Variants in CELF2 observed in about 807,000 individuals in gnomAD.
CELF2 encodes the protein CUG triplet repeat RNA-binding protein 2.
Under a neutral mutation model 62.6 loss-of-function variants are expected in CELF2, and 8 were observed. The ratio of observed to expected loss-of-function variants is 0.13; its 90% CI spans 0.07 to 0.23. The LOEUF is 0.23. CELF2 is among the 10% of genes least tolerant of loss of function. The pLI is 1.00. For missense variants in CELF2, 333 were observed against 671.0 expected, an observed-to-expected ratio of 0.50 and a Z score of 5.56; for synonymous variants, 258 against 250.0, an observed-to-expected ratio of 1.03 and a Z score of -0.30.
intron 1 of CELF2, among the ~76,000 whole-genome samples, chr10:10,908,331 T>C (rs2063522191): frequency 7.0e-6 from 1 of 142,668 alleles, no homozygotes; most frequent in African/African-American, 2.6e-5. Flanking sequence ...GCCATTCTCC[T>C]GCCTCAGTCT....
chr10:11,099,183 A>G (rs549049791), intron 1 of CELF2, among the ~76,000 whole-genome samples: 2 of 152,296 alleles, frequency 1.3e-5, no homozygotes, highest in South Asian at 4.1e-4. Flanking sequence ...AAACGAATGT[A>G]CTCTTAGAAT....
At chr10:10,668,559 C>G in the CELF2 span, among the ~76,000 whole-genome samples, 2 of 152,190 alleles carry the variant, frequency 1.3e-5, no homozygotes, top group African/African-American at 4.8e-5. Context: ...CACTTAATAT[C>G]GTATTGACCC....
chr10:11,197,644 C>G (rs906976911), intron 2 of CELF2, among the ~76,000 whole-genome samples: 1 of 152,220 alleles, frequency 6.6e-6, no homozygotes, highest in African/African-American at 2.4e-5. Context: ...CCCGCCTGAT[C>G]CGCTGAACAG....
the CELF2 span, among the ~76,000 whole-genome samples, chr10:10,720,376 C>T: frequency 6.6e-6 from 1 of 152,198 alleles, no homozygotes; most frequent in African/African-American, 2.4e-5. Flanking sequence ...GGAGATGGCT[C>T]TCATTGCCAG....
chr10:10,481,996 A>G, the CELF2 span, among the ~76,000 whole-genome samples: 7 of 152,194 alleles, frequency 4.6e-5, no homozygotes, highest in Admixed American at 1.3e-4. Context: ...ATGTTCTTAA[A>G]CTTAAGGATC....
intron 1 of CELF2, among the ~76,000 whole-genome samples, chr10:11,067,482 C>T (rs934882289): frequency 6.6e-6 from 1 of 152,180 alleles, no homozygotes; most frequent in South Asian, 2.1e-4. Context: ...AAAATGAGAA[C>T]GCTTCTAAGT....
the CELF2 span, among the ~76,000 whole-genome samples, chr10:10,713,629 T>C: frequency 1.3e-5 from 2 of 152,244 alleles, no homozygotes; most frequent in South Asian, 2.1e-4. Context: ...AATTCTGGTA[T>C]GCCATGCAAT....
intron 1 of CELF2, among the ~76,000 whole-genome samples, chr10:11,062,425 A>C (rs528121444): frequency 6.6e-6 from 1 of 152,240 alleles, no homozygotes; most frequent in Non-Finnish European, 1.5e-5. Context: ...TTACCATATT[A>C]GAGGTCATTA....
chr10:11,091,398 G>GT (rs1595037702), intron 1 of CELF2, among the ~76,000 whole-genome samples: 1 of 152,320 alleles, frequency 6.6e-6, no homozygotes, highest in East Asian at 1.9e-4. Context: ...TAATCAGCCT[G>GT]TTCTGGGCTT....
chr10:10,774,042 A>C, the CELF2 span, among the ~76,000 whole-genome samples: 2 of 152,344 alleles, frequency 1.3e-5, no homozygotes, highest in African/African-American at 4.8e-5. Context: ...GAAAAGGCCA[A>C]GATTGTTGCT....
Position 11,329,056 on chromosome 10 carries a change from C to T in CELF2, c.*3C>T. ...AAAACGACAGCAAACCTTACTGATC[C>T]TAACCCCAGAGGCTCCCTGCTCTCA... is the stretch of plus-strand genomic sequence containing the variant. On this transcript the variant is annotated 3_prime_UTR_variant, in exon 13 of 13. Transcript: ENST00000633077. This position sits in a 1 kb window ranked among gnomAD's most constrained non-coding sequence, Gnocchi z 5.5. 2 of 1,610,228 alleles carry T rather than the reference C, an allele frequency of 1.2e-6. No homozygotes were observed. The highest frequency in any genetic ancestry group is 1.7e-6 in the Non-Finnish European group (2 of 1,177,136).
chr10:11,093,350 C>T (rs1456819998), intron 1 of CELF2, among the ~76,000 whole-genome samples: 2 of 152,182 alleles, frequency 1.3e-5, no homozygotes, highest in African/African-American at 4.8e-5. Context: ...ATTTTAGCTA[C>T]ACCTCAGGGT....
At chr10:10,781,006 G>A in the CELF2 span, among the ~76,000 whole-genome samples, 3 of 152,146 alleles carry the variant, frequency 2.0e-5, no homozygotes, top group Non-Finnish European at 2.9e-5. Context: ...TACTCTTTTT[G>A]AGTCATCACA....
At chr10:11,325,204 C>G (rs1410522870) in intron 11 of CELF2, among the ~76,000 whole-genome samples, 2 of 152,202 alleles carry the variant, frequency 1.3e-5, no homozygotes, top group Non-Finnish European at 2.9e-5. Flanking sequence ...CATTCATCTC[C>G]AAGGCTAACG....
At chr10:10,508,460 A>G in the CELF2 span, among the ~76,000 whole-genome samples, 2 of 152,178 alleles carry the variant, frequency 1.3e-5, no homozygotes, top group African/African-American at 4.8e-5. Flanking sequence ...CCTACATCAG[A>G]GAGCCTCGGC....
chr10:10,718,477 A>T, the CELF2 span, among the ~76,000 whole-genome samples: 1 of 152,062 alleles, frequency 6.6e-6, no homozygotes, highest in African/African-American at 2.4e-5. Context: ...TACAAAAATT[A>T]GCCGGGCATG....
At chr10:11,181,983 T>C (rs117944575) in intron 2 of CELF2, among the ~76,000 whole-genome samples, 1,785 of 152,328 alleles carry the variant, frequency 0.012, 16 homozygotes, top group Non-Finnish European at 0.019. Context: ...TGAAAAAATA[T>C]TGTTTCAGCT....
chr10:10,696,741 A>C, the CELF2 span, among the ~76,000 whole-genome samples: 10 of 152,146 alleles, frequency 6.6e-5, no homozygotes, highest in Non-Finnish European at 1.3e-4. Context: ...AAAGCGCAGT[A>C]TTTGGGTGGG....
At chr10:10,586,937 A>G in the CELF2 span, among the ~76,000 whole-genome samples, 3 of 152,156 alleles carry the variant, frequency 2.0e-5, no homozygotes, top group African/African-American at 7.2e-5. Flanking sequence ...TCTAAGACCT[A>G]AACATGCCAG....
Sources: gnomAD v4.1 joint callset for allele counts (sites outside exome capture counted in the v4.1 genomes callset) on GRCh38, gnomAD v4.1.1 for gene constraint, Gnocchi (gnomAD v3.1) non-coding constraint, MANE v1.5 for transcripts, NCBI Gene and HGNC (gene_info 2026-07-23, HGNC 2026-07-21) for gene names.